Variants in RBFOX1 observed in about 807,000 individuals in gnomAD.
RBFOX1 encodes the protein RNA binding protein fox-1 homolog 1.
A neutral mutation model predicts 57.7 loss-of-function variants in RBFOX1; 8 were observed. The observed-to-expected ratio is 0.14, with a 90% CI of 0.08 to 0.25. The LOEUF is 0.25. Ranked by LOEUF, RBFOX1 falls within the 10% of genes least tolerant of loss-of-function variation. RBFOX1 has a pLI of 1.00. For missense variants in RBFOX1, 611 were observed against 548.5 expected (o/e 1.11, Z -1.14); for synonymous variants, 326 against 222.4 (o/e 1.47, Z -4.15).
intron 3 of RBFOX1, among the ~76,000 whole-genome samples, chr16:5,654,793 CT>C (rs1236923522): frequency 6.7e-6 from 1 of 148,992 alleles, no homozygotes; most frequent in East Asian, 1.9e-4. Context: ...CTTCTTTCCT[CT>C]CTCTCTCTCT....
In RBFOX1 at chr16:5,348,409, C is replaced by A. The variant is rs140447306; in HGVS notation, c.219+108304C>A. On this transcript the variant is annotated intron_variant, in intron 1 of 2. Coordinates refer to the RBFOX1 transcript ENST00000585867. ...ACCTACTGTGTTAAGAATGTTGCAT[C>A]AAATATTTTATTCAATTTTTAAGAG... Among the ~76,000 whole-genome samples the A allele has an allele frequency of 6.6e-5, 10 of 152,292 alleles. No homozygotes were observed. In the East Asian group the frequency reaches 1.9e-3, roughly 29 times the overall value.
chr16:5,978,904 G>C (rs1173063671), intron 4 of RBFOX1, among the ~76,000 whole-genome samples: 1 of 152,134 alleles, frequency 6.6e-6, no homozygotes, highest in East Asian at 1.9e-4. Context: ...GGTGGGCTGA[G>C]GGGGTGGCTG....
At chr16:5,290,347 C>G (rs1180036683) in intron 1 of RBFOX1, among the ~76,000 whole-genome samples, 1 of 151,996 alleles carries the variant, frequency 6.6e-6, no homozygotes, top group Non-Finnish European at 1.5e-5. Flanking sequence ...GTGACAGAGA[C>G]TCTATCTCAA....
chr16:6,525,249 G>A (rs17140490), intron 2 of RBFOX1, among the ~76,000 whole-genome samples: 8,055 of 152,256 alleles, frequency 0.053, 712 homozygotes, highest in African/African-American at 0.18. Context: ...GAGGAGCAAA[G>A]TGGCACTCAG....
chr16:6,807,618 C>G (rs768155677), intron 3 of RBFOX1, among the ~76,000 whole-genome samples: 1 of 152,034 alleles, frequency 6.6e-6, no homozygotes, highest in African/African-American at 2.4e-5. Flanking sequence ...GAGATTGAGA[C>G]CAGCCTGGCG....
chr16:6,332,519 C>T (rs755049663), intron 2 of RBFOX1, among the ~76,000 whole-genome samples: 8 of 152,162 alleles, frequency 5.3e-5, no homozygotes, highest in East Asian at 1.9e-4. Flanking sequence ...CTGACTGTGA[C>T]GATAGCTAGT....
intron 4 of RBFOX1, among the ~76,000 whole-genome samples, chr16:7,094,982 G>A (rs2151205867): frequency 6.6e-6 from 1 of 152,150 alleles, no homozygotes; most frequent in Non-Finnish European, 1.5e-5. Flanking sequence ...AACATCAAAG[G>A]TAAACATCAA....
intron 2 of RBFOX1, among the ~76,000 whole-genome samples, chr16:6,450,817 A>ATG (rs1567303431): frequency 1.0e-3 from 11 of 10,810 alleles, no homozygotes; most frequent in African/African-American, 2.6e-3. Flanking sequence ...ATATATATAT[A>ATG]CATATATATA....
upstream of RBFOX1, among the ~76,000 whole-genome samples, chr16:6,018,926 C>A (rs2095018801): frequency 6.6e-6 from 1 of 151,790 alleles, no homozygotes; most frequent in Non-Finnish European, 1.5e-5. Context: ...GGTCGCGTGT[C>A]CGCCGCCGCC....
chr16:5,410,047 CAAAA>C lies in RBFOX1; in HGVS notation c.220-57153_220-57150del, dbSNP rs57923211. On this transcript the variant is annotated intron_variant, in intron 1 of 2. Transcript: ENST00000585867. ...TGGGTGACAGAGCAAGACTCCATCT[CAAAA>C]AAAAAAAAAAAAAAATAATAATCAA... Among the ~76,000 whole-genome samples, 301 of 114,900 alleles carry C rather than the reference CAAAA, an allele frequency of 2.6e-3. 3 individuals are homozygous for C. Among genetic ancestry groups the C allele is most frequent in the Admixed American group, 7.1e-3 (74 of 10,464 alleles). The allele number at this position is 114,900 out of a possible 152,430, so 75.4% of individuals were successfully genotyped here.
chr16:6,169,025 C>G (rs2096938890), intron 1 of RBFOX1, among the ~76,000 whole-genome samples: 1 of 152,104 alleles, frequency 6.6e-6, no homozygotes, highest in South Asian at 2.1e-4. Context: ...AGCAGGCCTT[C>G]TCATTTCATA....
At chr16:7,248,215 G>C (rs1327949844) in intron 4 of RBFOX1, among the ~76,000 whole-genome samples, 2 of 152,174 alleles carry the variant, frequency 1.3e-5, no homozygotes, top group Non-Finnish European at 2.9e-5. Context: ...TCCCTGTGAT[G>C]TTTAGAAAAG....
intron 1 of RBFOX1, among the ~76,000 whole-genome samples, chr16:6,309,195 C>T (rs552536194): frequency 1.3e-5 from 2 of 152,190 alleles, no homozygotes; most frequent in South Asian, 4.1e-4. Flanking sequence ...TTCAGCTTCC[C>T]TTTTCATACT....
chr16:5,512,531 A>T (rs772334061), intron 2 of RBFOX1, among the ~76,000 whole-genome samples: 5 of 152,138 alleles, frequency 3.3e-5, no homozygotes, highest in Non-Finnish European at 7.3e-5. Flanking sequence ...CATGGATTAG[A>T]ATCCCAGCTT....
chr16:7,343,021 C>T (rs4787001), intron 4 of RBFOX1, among the ~76,000 whole-genome samples: 6,499 of 152,180 alleles, frequency 0.043, 182 homozygotes, highest in Non-Finnish European at 0.063. Flanking sequence ...GGTTGCAGGA[C>T]GGGGAGGGTG....
chr16:7,063,260 T>A (rs1011944940), intron 4 of RBFOX1, among the ~76,000 whole-genome samples: 5 of 152,098 alleles, frequency 3.3e-5, no homozygotes, highest in African/African-American at 1.2e-4. Flanking sequence ...TCAGGGTCTT[T>A]GGAACTCTGT....
At chr16:6,100,155 GT>G (rs200030399) in intron 1 of RBFOX1, among the ~76,000 whole-genome samples, 3 of 150,146 alleles carry the variant, frequency 2.0e-5, no homozygotes, top group South Asian at 4.2e-4. Context: ...TTTTGTTGTT[GT>G]TTTTTTTTGT....
intron 4 of RBFOX1, among the ~76,000 whole-genome samples, chr16:7,094,279 G>A (rs1228087690): frequency 6.6e-6 from 1 of 152,060 alleles, no homozygotes; most frequent in Non-Finnish European, 1.5e-5. Context: ...ATACCAACAA[G>A]ATAATTTCGG....
At chr16:7,368,705 G>C (rs1486805349) in intron 4 of RBFOX1, among the ~76,000 whole-genome samples, 1 of 151,428 alleles carries the variant, frequency 6.6e-6, no homozygotes, top group Non-Finnish European at 1.5e-5. Flanking sequence ...GCGTGAACCT[G>C]GGAGACAGAG....
Sources: allele counts gnomAD v4.1 joint callset (sites outside exome capture counted in the v4.1 genomes callset), GRCh38; gene constraint gnomAD v4.1.1; transcripts MANE v1.5; gene names NCBI Gene and HGNC (gene_info 2026-07-23, HGNC 2026-07-21).